CCDC77: variants seen among roughly 807,000 people sequenced by gnomAD.
The protein encoded by CCDC77 is coiled-coil domain-containing protein 77.
Under a neutral mutation model 66.8 loss-of-function variants are expected in CCDC77, and 56 were observed. That is an observed-to-expected ratio of 0.84 (90% confidence interval 0.68 to 1.05). The LOEUF (loss-of-function observed/expected upper bound fraction) is 1.05, where lower values mean the gene tolerates loss of function less well. Among genes scored for constraint, CCDC77 ranks in the 50% least tolerant of loss-of-function variants. The pLI, the probability that CCDC77 is intolerant of heterozygous loss-of-function variation, is 0.00. For synonymous variants in CCDC77, 196 were observed against 195.2 expected, an observed-to-expected ratio of 1.00 and a Z score of -0.03; for missense variants, 570 against 576.8, an observed-to-expected ratio of 0.99 and a Z score of 0.12.
chr12:407,874 A>G (rs1230194293), intron 2 of CCDC77, among the ~76,000 whole-genome samples: 1 of 127,294 alleles, frequency 7.9e-6, no homozygotes, highest in Non-Finnish European at 1.5e-5. Context: ...TGCGACCTCC[A>G]CCTCCCAGGT....
At chr12:412,972 T>C (rs1324611326) in intron 4 of CCDC77, among the ~76,000 whole-genome samples, 1 of 152,014 alleles carries the variant, frequency 6.6e-6, no homozygotes, top group Non-Finnish European at 1.5e-5. Context: ...GGAGTCTCGC[T>C]CTGTCGCCCA....
intron 1 of CCDC77, among the ~76,000 whole-genome samples, chr12:404,721 CTTTTTTT>C (rs141950603): frequency 1.5e-5 from 2 of 137,608 alleles, no homozygotes; most frequent in African/African-American, 2.7e-5. Context: ...CTTCAAATTA[CTTTTTTT>C]TTTTTTTTTT....
intron 4 of CCDC77, among the ~76,000 whole-genome samples, chr12:414,352 A>G (rs1029496922): frequency 2.6e-5 from 4 of 152,100 alleles, no homozygotes; most frequent in Non-Finnish European, 5.9e-5. Context: ...GGCCTCCTGA[A>G]GTGCTGGGAT....
Position 409,425 on chromosome 12 carries a change from A to G in CCDC77, c.38+4A>G. On this transcript the variant is annotated splice_donor_region_variant and intron_variant, in intron 3 of 12. Transcript: ENST00000239830. ...CACACACCCCTGTCTGCAGAAAGTA[A>G]GACATTTGCTTATTTTCAAGTTGTT... 6.2e-7 allele frequency: 1 copy of G among 1,612,928 alleles called. No individual in the cohort carries two copies. The highest frequency in any genetic ancestry group is 1.7e-5 in the Admixed American group (1 of 59,996).
At chr12:417,604 T>C (rs561182459) in intron 4 of CCDC77, among the ~76,000 whole-genome samples, 2 of 152,276 alleles carry the variant, frequency 1.3e-5, no homozygotes, top group African/African-American at 2.4e-5. Flanking sequence ...GCTTATGATA[T>C]AGGAAACATT....
chr12:433,830 G>A (rs1318931335), intron 9 of CCDC77, among the ~76,000 whole-genome samples: 2 of 152,052 alleles, frequency 1.3e-5, no homozygotes, highest in Admixed American at 1.3e-4. Context: ...CTAGAGACAT[G>A]TTATCATTTT....
intron 1 of CCDC77, among the ~76,000 whole-genome samples, chr12:403,846 A>G (rs1237016739): frequency 6.6e-6 from 1 of 152,178 alleles, no homozygotes; most frequent in Non-Finnish European, 1.5e-5. Context: ...GCTAGAGTGC[A>G]GTGGCACGAT....
rs1308932973 is a variant in CCDC77 at position 418,504 on chromosome 12, A to T, written c.281A>T (p.Glu94Val). 6.2e-7 allele frequency: 1 copy of T among 1,614,036 alleles called. No homozygotes were observed. The highest frequency in any genetic ancestry group is 8.5e-7 in the Non-Finnish European group (1 of 1,179,982). ...KEACEGQHKL[E>V]CDLQQREEEI... ...GTGGTTTTTTTGCAGCATAAACTTGAATGTGATTTGCAGCAGAGGGAGGAA... is the reference window on the plus strand; with the variant it reads ...GTGGTTTTTTTGCAGCATAAACTTGTATGTGATTTGCAGCAGAGGGAGGAA... The change falls in exon 5 of 13, where the codon GAA becomes GTA. Residue 94 changes from glutamate (E) to valine (V), a missense_variant. Physicochemically the swap from Glu to Val is moderately radical, Grantham distance 121. Transcript: ENST00000239830.
chr12:407,256 C>T (rs924874733), intron 2 of CCDC77, among the ~76,000 whole-genome samples: 1 of 152,132 alleles, frequency 6.6e-6, no homozygotes. Context: ...GCTAATGGGT[C>T]GTGTGTGGCA....
rs147565210 is a variant in CCDC77, at chr12:431,886, A to C, written c.604A>C (p.Arg202=). 2 of 1,608,578 alleles carry C rather than the reference A, an allele frequency of 1.2e-6. No homozygotes were observed. The highest frequency in any genetic ancestry group is 8.5e-7 in the Non-Finnish European group (1 of 1,177,066). ...FKADPKISKR[R]PSRERKESSE... is the part of the protein sequence containing the mutation. Reference sequence around the variant, plus strand: ...TTTAGATCCTAAAATAAGCAAAAGAAGACCATCGAGAGAGAGAAAAGAAAG... The same window carrying C: ...TTTAGATCCTAAAATAAGCAAAAGACGACCATCGAGAGAGAGAAAAGAAAG... The change falls in exon 8 of 13, where the codon AGA becomes CGA. Residue 202 remains arginine, a synonymous_variant. Coordinates refer to ENST00000239830, the MANE Select transcript of CCDC77 (RefSeq NM_032358.4).
At chr12:418,755 A>G in intron 5 of CCDC77, 119 bp downstream of exon 5, 2 of 1,113,358 alleles carry the variant, frequency 1.8e-6, no homozygotes, top group South Asian at 1.5e-5. Flanking sequence ...GCTGGAGTAC[A>G]GTGGCGCTCT....
In CCDC77 at chr12:428,837, C is replaced by T. The variant is rs758755350; in HGVS notation, c.482C>T (p.Thr161Ile). Reference sequence around the variant, plus strand: ...GTGGGAACAGATGCTGGAGAAGTGACCTATTTTTGTAAGGAGCCTCCTCAC... The same window carrying T: ...GTGGGAACAGATGCTGGAGAAGTGATCTATTTTTGTAAGGAGCCTCCTCAC... The part of the protein sequence containing the change: ...ALVGTDAGEV[T>I]YFCKEPPHKV... The change falls in exon 6 of 13, where the codon ACC becomes ATC. Residue 161 changes from threonine (T) to isoleucine (I), a missense_variant. Coordinates refer to ENST00000239830, the MANE Select transcript of CCDC77 (RefSeq NM_032358.4). The T allele has an allele frequency of 6.2e-6, 10 of 1,612,250 alleles. No homozygotes were observed. In the African/African-American group the frequency reaches 1.2e-4, roughly 19 times the overall value.
Position 440,655 on chromosome 12 carries a change from C to T in CCDC77, c.1080C>T (p.Ser360=). Residue 360 remains serine, a synonymous_variant, in exon 11 of 13, where the codon TCC becomes TCT. Transcript: ENST00000239830. ...AGTTAGTACAAGAGAAAAAGCTGTC[C>T]AATATGTACCAAGAGCAGTGCATTT... ...KDKLVQEKKL[S]NMYQEQCISL... 6.2e-7 allele frequency: 1 copy of T among 1,614,120 alleles called. No homozygotes were observed. The highest frequency in any genetic ancestry group is 8.5e-7 in the Non-Finnish European group (1 of 1,180,004).
intron 4 of CCDC77, among the ~76,000 whole-genome samples, chr12:417,939 A>G (rs1429457303): frequency 1.3e-5 from 2 of 152,046 alleles, no homozygotes; most frequent in African/African-American, 4.8e-5. Context: ...TGAGTCGTAC[A>G]GCATTCTGGA....
chr12:412,177 T>G (rs1241539201), intron 4 of CCDC77, among the ~76,000 whole-genome samples, 199 bp downstream of exon 4: 2 of 152,236 alleles, frequency 1.3e-5, no homozygotes, highest in African/African-American at 4.8e-5. Flanking sequence ...TCTTAAATTC[T>G]GACATCTCCA....
intron 3 of CCDC77, among the ~76,000 whole-genome samples, chr12:411,535 C>T (rs1290438124): frequency 6.6e-6 from 1 of 151,660 alleles, no homozygotes; most frequent in East Asian, 1.9e-4. Context: ...CCAGGCTGGT[C>T]TTGAACCCCT....
chr12:410,299 C>T (rs1312021018), intron 3 of CCDC77, among the ~76,000 whole-genome samples: 1 of 149,308 alleles, frequency 6.7e-6, no homozygotes, highest in Admixed American at 6.7e-5. Flanking sequence ...TGGAGTTTTG[C>T]TCTTGTTGCC....
chr12:440,552 A>G, intron 10 of CCDC77, 65 bp from the exon 11 acceptor site: 1 of 1,572,610 alleles, frequency 6.4e-7, no homozygotes, highest in South Asian at 1.1e-5. Context: ...CTTTGCCTAA[A>G]AGCTACTTGA....
At position 436,255 on chromosome 12, in the gene CCDC77, C is replaced by G. The variant is rs549066097; in HGVS notation, c.822-2080C>G. On this transcript the variant is annotated intron_variant, in intron 9 of 12. Transcript: ENST00000239830. ...GCCTCAGCCTCCTGAGTAGCTGGGA[C>G]TACAGGCGCCCACCACCACGCCCGG... is the stretch of plus-strand genomic sequence containing the variant. 2.6e-5 allele frequency among the ~76,000 whole-genome samples: 4 copies of G among 151,560 alleles called. No homozygotes were observed. In the East Asian group the frequency reaches 5.8e-4, roughly 22 times the overall value.
Sources: gnomAD v4.1 joint callset for allele counts (sites outside exome capture counted in the v4.1 genomes callset) on GRCh38, gnomAD v4.1.1 for gene constraint, MANE v1.5 for transcripts, NCBI Gene and HGNC (gene_info 2026-07-23, HGNC 2026-07-21) for gene names.